The following PRKCQ variants were observed in gnomAD, a reference collection of about 807,000 sequenced individuals.
PRKCQ encodes protein kinase C theta, also known as protein kinase C theta type.
In PRKCQ, 41 loss-of-function variants were observed where a neutral mutation model predicts 91.2. That is an observed-to-expected ratio of 0.45 (90% CI 0.35 to 0.58). The LOEUF (loss-of-function observed/expected upper bound fraction) is 0.58, where lower values mean the gene tolerates loss of function less well. PRKCQ is among the 20% of genes least tolerant of loss of function. PRKCQ has a pLI of 0.00. For missense variants in PRKCQ, 673 were observed against 896.5 expected, an observed-to-expected ratio of 0.75 and a Z score of 3.18; for synonymous variants, 307 against 316.9, an observed-to-expected ratio of 0.97 and a Z score of 0.33.
At chr10:6,467,611 G>C (rs113948081) in intron 12 of PRKCQ, among the ~76,000 whole-genome samples, 2 of 152,130 alleles carry the variant, frequency 1.3e-5, no homozygotes, top group Non-Finnish European at 2.9e-5. Flanking sequence ...TGCCAAACGC[G>C]TCCCAGTCTT....
chr10:6,444,707 TACACACAC>T lies in PRKCQ; in HGVS notation c.1648-2634_1648-2627del, dbSNP rs56151404. On this transcript the variant is annotated intron_variant, in intron 15 of 17. Coordinates refer to ENST00000263125, the MANE Select transcript of PRKCQ (RefSeq NM_006257.5). ...GCATCTGTGAACAGACACACATAAATACACACACACACACACACGCACGCAGAAGGTAT... is the reference window on the plus strand; with the variant it reads ...GCATCTGTGAACAGACACACATAAATACACACACACGCACGCAGAAGGTAT... Among the ~76,000 whole-genome samples the T allele has an allele frequency of 5.2e-3, 783 of 150,944 alleles. 10 individuals are homozygous for T. The highest frequency in any genetic ancestry group is 0.018 in the African/African-American group (736 of 41,134).
intron 17 of PRKCQ, among the ~76,000 whole-genome samples, chr10:6,429,980 G>T (rs989880333): frequency 6.6e-6 from 1 of 150,790 alleles, no homozygotes; most frequent in Admixed American, 6.6e-5. Context: ...TCAGCCTCCC[G>T]AGTAGCCAGG....
intron 1 of PRKCQ, among the ~76,000 whole-genome samples, chr10:6,558,548 T>C (rs891338906): frequency 6.6e-6 from 1 of 152,210 alleles, no homozygotes; most frequent in East Asian, 1.9e-4. Context: ...CTTAAGCTGA[T>C]GGTTTAGCAA....
intron 1 of PRKCQ, among the ~76,000 whole-genome samples, chr10:6,538,635 T>C (rs116277613): frequency 2.8e-3 from 433 of 152,320 alleles, no homozygotes; most frequent in African/African-American, 9.7e-3. Flanking sequence ...GTCACCAAAG[T>C]GACATAAGTC....
chr10:6,479,791 A>AAAATAC (rs1836487473), intron 11 of PRKCQ, among the ~76,000 whole-genome samples: 1 of 149,426 alleles, frequency 6.7e-6, no homozygotes, highest in African/African-American at 2.5e-5. Flanking sequence ...AAAAAAAAAA[A>AAAATAC]AAAATCCAAA....
intron 4 of PRKCQ, among the ~76,000 whole-genome samples, chr10:6,500,907 A>G (rs1384870977): frequency 1.3e-5 from 2 of 152,180 alleles, no homozygotes; most frequent in African/African-American, 4.8e-5. Flanking sequence ...AGAACAGCCA[A>G]CCTTAAGAGG....
intron 1 of PRKCQ, among the ~76,000 whole-genome samples, chr10:6,529,588 T>C (rs1384248816): frequency 8.5e-5 from 13 of 152,194 alleles, no homozygotes; most frequent in Admixed American, 7.9e-4. Flanking sequence ...AACCTTTGCA[T>C]GGCCGAGTTC....
chr10:6,419,171 A>G, the PRKCQ span, among the ~76,000 whole-genome samples: 1 of 151,058 alleles, frequency 6.6e-6, no homozygotes. Context: ...TCCATTAACT[A>G]TCTACTTCTG....
At chr10:6,574,121 A>T (rs2130982761) in intron 1 of PRKCQ, among the ~76,000 whole-genome samples, 1 of 152,294 alleles carries the variant, frequency 6.6e-6, no homozygotes, top group Middle Eastern at 3.4e-3. Context: ...GTAAAAAAAA[A>T]TGCAAAGAGC....
intron 1 of PRKCQ, among the ~76,000 whole-genome samples, chr10:6,563,579 T>C (rs997569613): frequency 4.6e-5 from 7 of 152,118 alleles, no homozygotes; most frequent in African/African-American, 4.8e-5. Flanking sequence ...CAGCCTCCAA[T>C]TGCAGTCTAA....
intron 13 of PRKCQ, 56 bp downstream of exon 13, chr10:6,464,257 C>A (rs1011601606): frequency 1.6e-5 from 23 of 1,483,268 alleles, no homozygotes; most frequent in Non-Finnish European, 1.9e-5. Flanking sequence ...GAAAAAAAAA[C>A]CAGCAAGAAC....
chr10:6,460,935 G>A lies in PRKCQ; in HGVS notation c.1508+1368C>T, dbSNP rs550081221. On this transcript the variant is annotated intron_variant, in intron 14 of 17. Transcript: ENST00000263125. ...CGTCCAACCATCTGTTCATCCATCCGTTGTCCATCCATCCATCATCCATAC... is the reference window on the plus strand; with the variant it reads ...CGTCCAACCATCTGTTCATCCATCCATTGTCCATCCATCCATCATCCATAC... Among the ~76,000 whole-genome samples the A allele has an allele frequency of 1.0e-4, 11 of 105,176 alleles. No individual in the cohort carries two copies. The South Asian group carries it at 1.1e-3, about 10-fold the overall frequency. 69.0% of individuals were successfully genotyped at this position (105,176 alleles called of 152,430 possible). A position where few individuals can be genotyped will look rare whatever the true frequency, so the allele number is the denominator to read the frequency against.
At chr10:6,462,401 T>C (rs1433255376) in intron 13 of PRKCQ, 36 bp from the exon 14 acceptor site, 10 of 1,600,672 alleles carry the variant, frequency 6.2e-6, no homozygotes, top group Non-Finnish European at 8.6e-6. Flanking sequence ...ACATGAATGT[T>C]GTCATGGAAC....
the PRKCQ span, among the ~76,000 whole-genome samples, chr10:6,416,468 G>A: frequency 6.6e-6 from 1 of 152,088 alleles, no homozygotes; most frequent in Non-Finnish European, 1.5e-5. Context: ...ATGATGTTTG[G>A]TTTTCCATTC....
rs543108874 is a variant in PRKCQ at position 6,549,340 on chromosome 10, G to C, written c.-10+30871C>G. Among the ~76,000 whole-genome samples the C allele has an allele frequency of 2.0e-5, 3 of 152,228 alleles. No individual in the cohort carries two copies. In the East Asian group the frequency reaches 5.8e-4, roughly 29 times the overall value. On this transcript the variant is annotated intron_variant, in intron 1 of 17. Transcript: ENST00000263125. ...ATAGGGAGGAAGTACGGGATATTCT[G>C]GAAGGGCAGAATGCTTCATATGAGC... is the stretch of plus-strand genomic sequence containing the variant.
chr10:6,476,475 TC>T (rs1234815244), intron 12 of PRKCQ, among the ~76,000 whole-genome samples: 1 of 152,238 alleles, frequency 6.6e-6, no homozygotes, highest in African/African-American at 2.4e-5. Context: ...TGTTAGTTTT[TC>T]ATTATTTTTC....
chr10:6,427,895 A>C lies in PRKCQ; in HGVS notation c.*312T>G. 1 of 306,612 alleles carries C rather than the reference A, an allele frequency of 3.3e-6. No homozygotes were observed. The allele number at this position is 306,612 out of a possible 1,614,324, so 19.0% of individuals were successfully genotyped here. A position where few individuals can be genotyped will look rare whatever the true frequency, so the allele number is the denominator to read the frequency against. On this transcript the variant is annotated 3_prime_UTR_variant, in exon 18 of 18. Transcript: ENST00000263125. ...GCGCCCAGGTGAAGAGCCATAATTTATTGCAGTATCAAGTCTTGAAACCTT... is the reference window on the plus strand; with the variant it reads ...GCGCCCAGGTGAAGAGCCATAATTTCTTGCAGTATCAAGTCTTGAAACCTT...
At chr10:6,433,087 T>C (rs1210771764) in intron 16 of PRKCQ, among the ~76,000 whole-genome samples, 4 of 152,202 alleles carry the variant, frequency 2.6e-5, no homozygotes, top group African/African-American at 7.2e-5. Flanking sequence ...TTACGACTGA[T>C]ACATCATCCA....
At chr10:6,522,004 A>ACGATCTTGGC (rs1839033419) in intron 1 of PRKCQ, among the ~76,000 whole-genome samples, 1 of 151,996 alleles carries the variant, frequency 6.6e-6, no homozygotes, top group South Asian at 2.1e-4. Flanking sequence ...GTGCAATGGC[A>ACGATCTTGGC]CGATCTTGGC....
Sources: allele counts gnomAD v4.1 joint callset (sites outside exome capture counted in the v4.1 genomes callset), GRCh38; gene constraint gnomAD v4.1.1; transcripts MANE v1.5; gene names NCBI Gene and HGNC (gene_info 2026-07-23, HGNC 2026-07-21).